MDGA2: variants seen among roughly 807,000 people sequenced by gnomAD.
MDGA2 encodes the protein MAM domain containing glycosylphosphatidylinositol anchor 2, also known as MAM domain-containing glycosylphosphatidylinositol anchor protein 2.
A neutral mutation model predicts 117.8 loss-of-function variants in MDGA2; 40 were observed. The observed-to-expected ratio is 0.34, with a 90% CI of 0.26 to 0.44. The LOEUF (loss-of-function observed/expected upper bound fraction) is 0.44, where lower values mean the gene tolerates loss of function less well. Ranked by LOEUF, MDGA2 falls within the 20% of genes least tolerant of loss-of-function variation. The pLI, the probability that MDGA2 is intolerant of heterozygous loss-of-function variation, is 1.00. For synonymous variants in MDGA2, 452 were observed against 439.0 expected, an observed-to-expected ratio of 1.03 and a Z score of -0.37; for missense variants, 1,123 against 1,250.6, an observed-to-expected ratio of 0.90 and a Z score of 1.54.
intron 8 of MDGA2, among the ~76,000 whole-genome samples, chr14:46,970,523 A>G (rs546129642): frequency 1.3e-5 from 2 of 152,278 alleles, no homozygotes; most frequent in Non-Finnish European, 2.9e-5. Context: ...CTGGATGCCT[A>G]TCTCTACCCA....
chr14:47,368,450 T>C (rs753520141), intron 1 of MDGA2, among the ~76,000 whole-genome samples: 22 of 152,188 alleles, frequency 1.4e-4, no homozygotes, highest in Non-Finnish European at 2.8e-4. Context: ...TAGAATTGAA[T>C]AATCATACAG....
intron 14 of MDGA2, among the ~76,000 whole-genome samples, chr14:46,859,717 G>A (rs943943780): frequency 1.3e-5 from 2 of 151,934 alleles, no homozygotes; most frequent in African/African-American, 4.8e-5. Context: ...AGGGCAACAG[G>A]ACTTATCTGA....
chr14:47,263,544 G>A (rs1235903417), intron 2 of MDGA2, among the ~76,000 whole-genome samples: 2 of 152,120 alleles, frequency 1.3e-5, no homozygotes, highest in Non-Finnish European at 2.9e-5. Context: ...TTATAGGGTA[G>A]TACAACTGAT....
intron 1 of MDGA2, among the ~76,000 whole-genome samples, chr14:47,540,540 G>GTGTGTGTGTATATATATATATA: frequency 3.7e-4 from 29 of 79,198 alleles, no homozygotes; most frequent in African/African-American, 1.1e-3. Flanking sequence ...GTGTGTGTGT[G>GTGTGTGTGTATATATATATATA]TATATATATA....
At chr14:47,201,165 C>G in intron 3 of MDGA2, 6 of 656,820 alleles carry the variant, frequency 9.1e-6, no homozygotes, top group Non-Finnish European at 1.7e-5. Context: ...GCTAGTTTAC[C>G]TGCTCCATCA....
intron 1 of MDGA2, among the ~76,000 whole-genome samples, chr14:47,481,450 G>A (rs1332028808): frequency 2.0e-5 from 3 of 151,902 alleles, no homozygotes; most frequent in Non-Finnish European, 4.4e-5. Context: ...TAGCGAAGAG[G>A]AATGAGTTCT....
chr14:47,595,553 A>C (rs868116199), intron 1 of MDGA2, among the ~76,000 whole-genome samples: 12 of 139,668 alleles, frequency 8.6e-5, no homozygotes, highest in South Asian at 4.5e-4. Flanking sequence ...AAAACAAAAA[A>C]AAACAAAAAA....
intron 15 of MDGA2, among the ~76,000 whole-genome samples, chr14:46,850,574 A>T (rs1245189811): frequency 1.3e-5 from 2 of 151,930 alleles, no homozygotes; most frequent in African/African-American, 2.4e-5. Context: ...AAATATATTT[A>T]AAAATAACCA....
chr14:47,444,229 C>A, intron 1 of MDGA2: 1 of 187,182 alleles, frequency 5.3e-6, no homozygotes, highest in East Asian at 1.4e-4. Context: ...ACTGTTTTGC[C>A]ATTTTTCTAG....
chr14:47,595,539 C>CCAAAAAA (rs1896522863), intron 1 of MDGA2, among the ~76,000 whole-genome samples: 1 of 100,112 alleles, frequency 1.0e-5, no homozygotes, highest in Non-Finnish European at 1.9e-5. Flanking sequence ...TCTAAAAAAA[C>CCAAAAAA]CAAAAAACAA....
At chr14:47,336,532 AAACTAGTAAGGTGCAATAGTATGT>A (rs1316455974) in intron 1 of MDGA2, among the ~76,000 whole-genome samples, 1 of 152,004 alleles carries the variant, frequency 6.6e-6, no homozygotes, top group Non-Finnish European at 1.5e-5. Context: ...CTAGATCACA[AAACTAGTAAGGTGCAATAGTATGT>A]AACCACAAAT....
intron 1 of MDGA2, among the ~76,000 whole-genome samples, chr14:47,410,310 T>C (rs1310140022): frequency 6.6e-6 from 1 of 152,216 alleles, no homozygotes; most frequent in African/African-American, 2.4e-5. Flanking sequence ...GTGATAACTT[T>C]GTTTTTCTAG....
At chr14:46,950,541 T>TG (rs1209257750) in intron 9 of MDGA2, among the ~76,000 whole-genome samples, 1 of 152,004 alleles carries the variant, frequency 6.6e-6, no homozygotes, top group South Asian at 2.1e-4. Context: ...GCTAAAATAC[T>TG]GGGATCCACT....
At chr14:47,047,006 A>T (rs1889290167) in intron 7 of MDGA2, among the ~76,000 whole-genome samples, 1 of 152,182 alleles carries the variant, frequency 6.6e-6, no homozygotes, top group Non-Finnish European at 1.5e-5. Context: ...ATTTATTTTA[A>T]TATACATTTT....
At chr14:47,320,637 T>C (rs1161240968) in intron 1 of MDGA2, among the ~76,000 whole-genome samples, 1 of 152,052 alleles carries the variant, frequency 6.6e-6, no homozygotes, top group Non-Finnish European at 1.5e-5. Context: ...CTTTGAATAG[T>C]GTGATGAATA....
chr14:47,486,734 T>C (rs976204704), intron 1 of MDGA2, among the ~76,000 whole-genome samples: 3 of 152,124 alleles, frequency 2.0e-5, no homozygotes, highest in African/African-American at 7.2e-5. Context: ...GTTTTAAAAA[T>C]GGGAATTTCT....
At chr14:46,926,829 C>T (rs1884351055) in intron 9 of MDGA2, among the ~76,000 whole-genome samples, 1 of 151,808 alleles carries the variant, frequency 6.6e-6, no homozygotes, top group South Asian at 2.1e-4. Context: ...AGTGAGAAAC[C>T]TTAGGCAGGA....
At position 47,008,427 on chromosome 14, in the gene MDGA2, A is replaced by G. The variant is rs1887785713; in HGVS notation, c.1819+26584T>C. ...CATAAGGCAGTAAGTCTTTGAAACCAAATATTCCCTGGACCACCTTGCTAA... is the reference window on the plus strand; with the variant it reads ...CATAAGGCAGTAAGTCTTTGAAACCGAATATTCCCTGGACCACCTTGCTAA... On this transcript the variant is annotated intron_variant, in intron 8 of 16. Coordinates refer to ENST00000399232, the MANE Select transcript of MDGA2 (RefSeq NM_001113498.3). 2.0e-5 allele frequency among the ~76,000 whole-genome samples: 3 copies of G among 151,912 alleles called. No individual in the cohort carries two copies. The South Asian group carries it at 6.2e-4, about 31-fold the overall frequency.
At chr14:47,457,078 C>T (rs775204252) in intron 1 of MDGA2, among the ~76,000 whole-genome samples, 2 of 152,120 alleles carry the variant, frequency 1.3e-5, no homozygotes, top group Admixed American at 6.6e-5. Context: ...TATGAGCCAA[C>T]ACACACAGTC....
Sources: allele counts gnomAD v4.1 joint callset (sites outside exome capture counted in the v4.1 genomes callset), GRCh38; gene constraint gnomAD v4.1.1; transcripts MANE v1.5; gene names NCBI Gene and HGNC (gene_info 2026-07-23, HGNC 2026-07-21).